Variants in CYP11B1 observed in about 807,000 individuals in gnomAD.
CYP11B1 encodes the protein cytochrome P450 family 11 subfamily B member 1, also known as cytochrome P450 11B1, mitochondrial.
CYP11B1 carries 34 observed loss-of-function variants against 48.3 expected under a neutral mutation model. That is an observed-to-expected ratio of 0.70 (90% CI 0.54 to 0.94). The LOEUF (loss-of-function observed/expected upper bound fraction) is 0.94, where lower values mean the gene tolerates loss of function less well. Among genes scored for constraint, CYP11B1 ranks in the 40% least tolerant of loss-of-function variants. The probability of loss-of-function intolerance (pLI) is 0.00; values close to 1 mark genes in which losing one functional copy is unlikely to be tolerated. For missense variants in CYP11B1, 688 were observed against 657.4 expected, an observed-to-expected ratio of 1.05 and a Z score of -0.51; for synonymous variants, 291 against 262.5, an observed-to-expected ratio of 1.11 and a Z score of -1.05.
chr8:142,873,324 C>G lies in CYP11B1; in HGVS notation c.*1049G>C, dbSNP rs1197201521. ...TAAAGACAGTCTGGCTGGGTACACT[C>G]TCAAACTGGGTGCTTCCTCTCCCTG... On this transcript the variant is annotated 3_prime_UTR_variant, in exon 9 of 9. Coordinates refer to ENST00000292427, the MANE Select transcript of CYP11B1 (RefSeq NM_000497.4). 6.6e-6 allele frequency: 1 copy of G among 152,294 alleles called. No individual in the cohort carries two copies. Among genetic ancestry groups the G allele is most frequent in the Admixed American group, 6.5e-5 (1 of 15,282 alleles). The allele number at this position is 152,294 out of a possible 1,614,324, so 9.4% of individuals were successfully genotyped here. A position where few individuals can be genotyped will look rare whatever the true frequency, so the allele number is the denominator to read the frequency against.
At position 142,872,529 on chromosome 8, in the gene CYP11B1, G is replaced by C. The variant is rs972944221; in HGVS notation, c.*1844C>G. On this transcript the variant is annotated 3_prime_UTR_variant, in exon 9 of 9. Transcript: ENST00000292427. ...ATAACATGTTTGATTTCATAGGTTC[G>C]CAGCAAGAACAGTTGGACTCAGGAT... The C allele has an allele frequency of 2.6e-5, 4 of 152,120 alleles. No homozygotes were observed. Among genetic ancestry groups the C allele is most frequent in the Non-Finnish European group, 4.4e-5 (3 of 68,024 alleles). 9.4% of individuals were successfully genotyped at this position (152,120 alleles called of 1,614,324 possible). A position where few individuals can be genotyped will look rare whatever the true frequency, so the allele number is the denominator to read the frequency against.
Position 142,879,657 on chromosome 8 carries a change from G to A in CYP11B1, c.157C>T (p.Leu53=), listed in dbSNP as rs61751135. The A allele has an allele frequency of 1.2e-5, 19 of 1,614,246 alleles. No individual in the cohort carries two copies. The African/African-American group carries it at 1.2e-4, about 10-fold the overall frequency. Residue 53 remains leucine, a synonymous_variant, in exon 1 of 9, where the codon CTG becomes TTG. Coordinates refer to ENST00000292427, the MANE Select transcript of CYP11B1 (RefSeq NM_000497.4). ...TAACCCTGCTCCCTCCAGATCTGCAGCAGCCTCAGCCACCTGTTGCCTGGA... is the reference window on the plus strand; with the variant it reads ...TAACCCTGCTCCCTCCAGATCTGCAACAGCCTCAGCCACCTGTTGCCTGGA... The part of the protein sequence containing the change: ...RRPGNRWLRL[L]QIWREQGYED...
intron 2 of CYP11B1, among the ~76,000 whole-genome samples, chr8:142,878,140 C>T (rs903019254): frequency 1.3e-5 from 2 of 151,978 alleles, no homozygotes; most frequent in African/African-American, 4.8e-5. Context: ...AGATGCAAGA[C>T]GCACACACAT....
Position 142,874,284 on chromosome 8 carries a change from T to A in CYP11B1, c.*89A>T. On this transcript the variant is annotated 3_prime_UTR_variant, in exon 9 of 9. Transcript: ENST00000292427. ...TAGACAGAGGGGTGACTCAGGAAGC[T>A]GTGCATGTGGGAGAGAAGAGGGGTG... 1 of 890,966 alleles carries A rather than the reference T, an allele frequency of 1.1e-6. No homozygotes were observed. Among genetic ancestry groups the A allele is most frequent in the Non-Finnish European group, 1.9e-6 (1 of 522,366 alleles). 55.2% of individuals were successfully genotyped at this position (890,966 alleles called of 1,614,324 possible).
rs892400238 is a variant in CYP11B1 at position 142,879,761 on chromosome 8, A to G, written c.53T>C (p.Leu18Pro). 6.2e-7 allele frequency: 1 copy of G among 1,614,200 alleles called. No homozygotes were observed. ...EVCMAVPWLS[L>P]QRAQALGTRA... ...CGTGCCCAGTGCCTGTGCCCTTTGC[A>G]GGGACAGCCAGGGCACTGCCATGCA... Residue 18 changes from leucine to proline, a missense_variant, in exon 1 of 9, where the codon CTG becomes CCG. Physicochemically the swap from Leu to Pro is moderately conservative, Grantham distance 98. Transcript: ENST00000292427.
In CYP11B1 at chr8:142,874,263, C is replaced by CA; in HGVS notation, c.*109dup. 1.2e-6 allele frequency: 1 copy of CA among 808,696 alleles called. No homozygotes were observed. Among genetic ancestry groups the CA allele is most frequent in the South Asian group, 1.4e-5 (1 of 72,744 alleles). 50.1% of individuals were successfully genotyped at this position (808,696 alleles called of 1,614,324 possible). On this transcript the variant is annotated 3_prime_UTR_variant, in exon 9 of 9. Transcript: ENST00000292427. ...TCCATTTGTGCTGGGGCTGGTTAGA[C>CA]AGAGGGGTGACTCAGGAAGCTGTGC...
At chr8:142,879,549 C>T (rs370830923) in intron 1 of CYP11B1, 26 bp downstream of exon 1, 1 of 1,614,186 alleles carries the variant, frequency 6.2e-7, no homozygotes, top group Non-Finnish European at 8.5e-7. Flanking sequence ...CTGGGTGTTC[C>T]CAGCGAGGGC....
intron 4 of CYP11B1, 85 bp from the exon 5 acceptor site, chr8:142,876,480 C>A (rs1433454045): frequency 1.3e-6 from 2 of 1,543,500 alleles, no homozygotes. Context: ...ACTGCCCCGA[C>A]ACCCAAGTCT....
At chr8:142,876,969 C>A in intron 3 of CYP11B1, 54 bp downstream of exon 3, 1 of 1,612,230 alleles carries the variant, frequency 6.2e-7, no homozygotes, top group Non-Finnish European at 8.5e-7. Context: ...CCCCCATCCC[C>A]GTCCCTGGCC....
At chr8:142,876,543 C>G (rs1816957024) in intron 4 of CYP11B1, 139 bp downstream of exon 4, 3 of 1,547,858 alleles carry the variant, frequency 1.9e-6, no homozygotes, top group Non-Finnish European at 2.6e-6. Context: ...CCCAGCCTCG[C>G]ACCAATCTCC....
At chr8:142,878,371 C>A (rs1460219181) in intron 2 of CYP11B1, among the ~76,000 whole-genome samples, 1 of 152,186 alleles carries the variant, frequency 6.6e-6, no homozygotes, top group African/African-American at 2.4e-5. Context: ...GTCCTTCCCC[C>A]GTCCTAATGA....
chr8:142,878,585 T>A (rs978073735), intron 2 of CYP11B1, among the ~76,000 whole-genome samples: 2 of 152,186 alleles, frequency 1.3e-5, no homozygotes, highest in African/African-American at 4.8e-5. Flanking sequence ...TCAGGAAGGT[T>A]TGCCAGGACT....
rs753588773 is a variant in CYP11B1, at chr8:142,875,695, C to T, written c.1121+17G>A. 2 of 1,613,120 alleles carry T rather than the reference C, an allele frequency of 1.2e-6. No individual in the cohort carries two copies. Among genetic ancestry groups the T allele is most frequent in the Non-Finnish European group, 8.5e-7 (1 of 1,179,732 alleles). On this transcript the variant is annotated intron_variant, in intron 6 of 8. Transcript: ENST00000292427. ...GCAGGGGGCCAGGGCCACAGGGAGG[C>T]CTCAGCCAGCACCCACCGCAAGGTC...
At chr8:142,876,132 C>T (rs1816939724) in intron 5 of CYP11B1, 109 bp downstream of exon 5, 1 of 1,458,234 alleles carries the variant, frequency 6.9e-7, no homozygotes, top group Non-Finnish European at 9.6e-7. Context: ...AAATGTGGGG[C>T]CCATAGCCTG....
At chr8:142,876,586 C>T (rs1816958464) in intron 4 of CYP11B1, 96 bp downstream of exon 4, 4 of 1,554,718 alleles carry the variant, frequency 2.6e-6, no homozygotes, top group African/African-American at 2.7e-5. Context: ...CCGACCCCTC[C>T]CTGTGGCCTC....
chr8:142,876,009 C>T, intron 5 of CYP11B1, 131 bp from the exon 6 acceptor site: 3 of 1,259,612 alleles, frequency 2.4e-6, no homozygotes, highest in South Asian at 2.6e-5. Flanking sequence ...CCCAAGACTT[C>T]AAATCCTAAT....
In CYP11B1 at chr8:142,875,006, C is replaced by T; in HGVS notation, c.1349G>A (p.Cys450Tyr). 1.2e-6 allele frequency: 2 copies of T among 1,614,228 alleles called. No individual in the cohort carries two copies. The highest frequency in any genetic ancestry group is 1.1e-5 in the South Asian group (1 of 91,084). ...TGCCTCTGCCAGGCGCCGCCCAAGG[C>T]ACTGGCGCATGCCAAAGCCAAAGGG... is the stretch of plus-strand genomic sequence containing the variant. Reference protein sequence around the residue: ...HVPFGFGMRQCLGRRLAEAEM... With the variant: ...HVPFGFGMRQYLGRRLAEAEM... The change falls in exon 8 of 9, where the codon TGC (cysteine) becomes TAC (tyrosine). Residue 450 changes from cysteine to tyrosine, a missense_variant. Transcript: ENST00000292427.
At position 142,875,056 on chromosome 8, in the gene CYP11B1, G is replaced by C; in HGVS notation, c.1299C>G (p.Gly433=). 1 of 1,614,276 alleles carries C rather than the reference G, an allele frequency of 6.2e-7. No individual in the cohort carries two copies. The highest frequency in any genetic ancestry group is 8.5e-7 in the Non-Finnish European group (1 of 1,180,048). The change falls in exon 8 of 9, where the codon GGC becomes GGG. Residue 433 remains glycine (G), a synonymous_variant. Coordinates refer to ENST00000292427, the MANE Select transcript of CYP11B1 (RefSeq NM_000497.4). The part of the protein sequence containing the change: ...YNPQRWLDIR[G]SGRNFYHVPF... Reference sequence around the variant, plus strand: ...GCACGTGGTAGAAGTTCCTGCCGGAGCCCCTGATGTCTAGCCAGCGCTGGG... The same window carrying C: ...GCACGTGGTAGAAGTTCCTGCCGGACCCCCTGATGTCTAGCCAGCGCTGGG...
intron 2 of CYP11B1, 44 bp downstream of exon 2, chr8:142,878,988 C>T (rs375349633): frequency 3.7e-6 from 6 of 1,610,900 alleles, no homozygotes; most frequent in Non-Finnish European, 4.2e-6. Flanking sequence ...CCCCCCTACA[C>T]CCAGGCTGCC....
Sources: gnomAD v4.1 joint callset for allele counts (sites outside exome capture counted in the v4.1 genomes callset) on GRCh38, gnomAD v4.1.1 for gene constraint, MANE v1.5 for transcripts, NCBI Gene and HGNC (gene_info 2026-07-23, HGNC 2026-07-21) for gene names.